Variants in FAM110B observed in about 807,000 individuals in gnomAD.
The protein encoded by FAM110B is family with sequence similarity 110 member B, also known as protein FAM110B.
A neutral mutation model predicts 20.4 loss-of-function variants in FAM110B; 6 were observed. That is an observed-to-expected ratio of 0.29 (90% CI 0.16 to 0.58). FAM110B has a LOEUF of 0.58. Ranked by LOEUF, FAM110B falls within the 20% of genes least tolerant of loss-of-function variation. FAM110B has a pLI of 0.90. For synonymous variants in FAM110B, 226 were observed against 214.1 expected (o/e 1.06, Z -0.49); for missense variants, 434 against 498.2 (o/e 0.87, Z 1.23).
rs539671135 is a variant in FAM110B at position 58,146,479 on chromosome 8, C to T, written c.249C>T (p.Pro83=). ...EPVKPAVLAK[P]PVCPAAKRAL... ...TGAAGCCCGCCGTGCTGGCCAAGCC[C>T]CCGGTGTGCCCGGCTGCCAAGCGCG... The change falls in exon 4 of 4, where the codon CCC becomes CCT. Residue 83 remains proline, a synonymous_variant. Transcript: ENST00000519262. 3 of 1,613,666 alleles carry T rather than the reference C, an allele frequency of 1.9e-6. No individual in the cohort carries two copies. The highest frequency in any genetic ancestry group is 2.7e-5 in the African/African-American group (2 of 75,050).
chr8:58,121,353 T>C (rs1303190562), intron 3 of FAM110B, among the ~76,000 whole-genome samples: 1 of 152,188 alleles, frequency 6.6e-6, no homozygotes, highest in African/African-American at 2.4e-5. Context: ...TAAAGAGAAG[T>C]ATTTGGGTTT....
intron 1 of FAM110B, among the ~76,000 whole-genome samples, chr8:58,004,036 G>C (rs992316626): frequency 1.3e-5 from 2 of 151,858 alleles, no homozygotes; most frequent in African/African-American, 4.8e-5. Context: ...CGGACTGGGG[G>C]ATGGGGTGGG....
intron 2 of FAM110B, among the ~76,000 whole-genome samples, chr8:58,035,833 G>T (rs912803411): frequency 6.6e-6 from 1 of 152,134 alleles, no homozygotes; most frequent in South Asian, 2.1e-4. Flanking sequence ...TTAGGATGCC[G>T]ATGGGCTGGA....
At chr8:58,068,944 T>C (rs144120430) in intron 2 of FAM110B, among the ~76,000 whole-genome samples, 1 of 152,320 alleles carries the variant, frequency 6.6e-6, no homozygotes, top group African/African-American at 2.4e-5. Context: ...TTTTAAAATT[T>C]ATATCATTAA....
chr8:58,006,919 A>ATTTTTTTTTT (rs137960762), intron 1 of FAM110B, among the ~76,000 whole-genome samples: 43 of 102,736 alleles, frequency 4.2e-4, no homozygotes, highest in East Asian at 6.2e-4. Flanking sequence ...ATATATATAT[A>ATTTTTTTTTT]TATATTTTTC....
In FAM110B at chr8:58,146,752, G is replaced by A. The variant is rs183366212; in HGVS notation, c.522G>A (p.Pro174=). ...KVYPTQGRRS[P]QEGGSHVGRR... is the part of the protein sequence containing the mutation. ...ACCCCACGCAGGGCCGCAGGAGCCCGCAGGAGGGCGGCTCCCACGTGGGCA... is the reference window on the plus strand; with the variant it reads ...ACCCCACGCAGGGCCGCAGGAGCCCACAGGAGGGCGGCTCCCACGTGGGCA... Residue 174 remains proline, a synonymous_variant, in exon 4 of 4, where the codon CCG becomes CCA. Coordinates refer to ENST00000519262, the MANE Select transcript of FAM110B (RefSeq NM_001377989.1). 4 of 1,611,688 alleles carry A rather than the reference G, an allele frequency of 2.5e-6. No homozygotes were observed. Among genetic ancestry groups the A allele is most frequent in the South Asian group, 1.1e-5 (1 of 90,912 alleles).
At chr8:57,995,155 CG>C (rs1386418885) in intron 1 of FAM110B, among the ~76,000 whole-genome samples, 16 of 152,186 alleles carry the variant, frequency 1.1e-4, no homozygotes, top group Admixed American at 3.3e-4. Context: ...GGAGCCAGGG[CG>C]GGGGGAAGCT....
At chr8:58,138,081 G>C (rs1585918285) in intron 3 of FAM110B, among the ~76,000 whole-genome samples, 1 of 152,228 alleles carries the variant, frequency 6.6e-6, no homozygotes. Context: ...CCTGCATTGC[G>C]TAATGAGCAA....
At position 58,021,061 on chromosome 8, in the gene FAM110B, G is replaced by T. The variant is rs185870509; in HGVS notation, c.-511-10545G>T. On this transcript the variant is annotated intron_variant, in intron 1 of 3. Transcript: ENST00000519262. Reference sequence around the variant, plus strand: ...CCAGGTAAAATTTTTTGTTGCCATCGGATGGAAGGCTTTTTTGTGCTTCTA... The same window carrying T: ...CCAGGTAAAATTTTTTGTTGCCATCTGATGGAAGGCTTTTTTGTGCTTCTA... Among the ~76,000 whole-genome samples, 403 of 152,216 alleles carry T rather than the reference G, an allele frequency of 2.6e-3. 3 individuals carry two copies. The highest frequency in any genetic ancestry group is 6.7e-3 in the Admixed American group (103 of 15,284).
intron 2 of FAM110B, among the ~76,000 whole-genome samples, chr8:58,045,657 A>G (rs1563349839): frequency 6.6e-6 from 1 of 152,218 alleles, no homozygotes; most frequent in Non-Finnish European, 1.5e-5. Context: ...CTATTGGATA[A>G]AATTCAAAAG....
intron 1 of FAM110B, among the ~76,000 whole-genome samples, chr8:58,005,693 C>T (rs1156551205): frequency 6.6e-6 from 1 of 152,220 alleles, no homozygotes; most frequent in Admixed American, 6.5e-5. Context: ...ATGACTATTA[C>T]AGCCGTTAGC....
At chr8:58,083,539 T>G (rs117166117) in intron 3 of FAM110B, among the ~76,000 whole-genome samples, 138 of 152,354 alleles carry the variant, frequency 9.1e-4, no homozygotes, top group Non-Finnish European at 1.7e-3. Context: ...ACTCACAGAT[T>G]CAATATTCAG....
chr8:58,133,483 C>A (rs1053416382), intron 3 of FAM110B, among the ~76,000 whole-genome samples: 1 of 152,180 alleles, frequency 6.6e-6, no homozygotes, highest in Non-Finnish European at 1.5e-5. Flanking sequence ...CACCACTCAC[C>A]ATTCGGGAAT....
At chr8:58,019,098 A>C (rs935934429) in intron 1 of FAM110B, among the ~76,000 whole-genome samples, 17 of 152,128 alleles carry the variant, frequency 1.1e-4, no homozygotes, top group African/African-American at 3.9e-4. Flanking sequence ...GCACTTTGGG[A>C]GGCCAAGGTG....
chr8:58,139,676 T>C (rs1249066232), intron 3 of FAM110B, among the ~76,000 whole-genome samples: 2 of 152,104 alleles, frequency 1.3e-5, no homozygotes, highest in African/African-American at 4.8e-5. Flanking sequence ...TTAAAATGAA[T>C]AAATACTTGG....
intron 2 of FAM110B, among the ~76,000 whole-genome samples, chr8:58,042,952 C>T (rs1263175597): frequency 6.6e-6 from 1 of 152,246 alleles, no homozygotes; most frequent in Non-Finnish European, 1.5e-5. Context: ...GTAACACTTC[C>T]TTCTCTCTCA....
At chr8:58,046,878 A>G (rs190755149) in intron 2 of FAM110B, among the ~76,000 whole-genome samples, 7 of 152,290 alleles carry the variant, frequency 4.6e-5, no homozygotes, top group Admixed American at 2.0e-4. Flanking sequence ...TGAATGTGCA[A>G]TGTTTGGGTG....
At position 58,088,643 on chromosome 8, in the gene FAM110B, G is replaced by A. The variant is rs149782032; in HGVS notation, c.-325+13020G>A. Reference sequence around the variant, plus strand: ...GGCACACACTAGAATTTGTGTAGAAGTTACAAGGAAATGGAGCCGCACTTG... The same window carrying A: ...GGCACACACTAGAATTTGTGTAGAAATTACAAGGAAATGGAGCCGCACTTG... On this transcript the variant is annotated intron_variant, in intron 3 of 3. Transcript: ENST00000519262. Among the ~76,000 whole-genome samples, 214 of 152,280 alleles carry A rather than the reference G, an allele frequency of 1.4e-3. No individual in the cohort carries two copies. In the East Asian group the frequency reaches 0.032, roughly 23 times the overall value.
chr8:58,097,062 G>A (rs1362581412), intron 3 of FAM110B, among the ~76,000 whole-genome samples: 1 of 152,142 alleles, frequency 6.6e-6, no homozygotes, highest in Non-Finnish European at 1.5e-5. Context: ...GGTGTTCACT[G>A]TATTTCCTGA....
Sources: allele counts gnomAD v4.1 joint callset (sites outside exome capture counted in the v4.1 genomes callset), GRCh38; gene constraint gnomAD v4.1.1; transcripts MANE v1.5; gene names NCBI Gene and HGNC (gene_info 2026-07-23, HGNC 2026-07-21).